ZFYVE28: variants seen among roughly 807,000 people sequenced by gnomAD.
ZFYVE28 encodes the protein zinc finger FYVE-type containing 28, also known as lateral signaling target protein 2 homolog.
Under a neutral mutation model 82.1 loss-of-function variants are expected in ZFYVE28, and 40 were observed. That is an observed-to-expected ratio of 0.49 (90% CI 0.38 to 0.63). ZFYVE28 has a LOEUF of 0.63. Ranked by LOEUF, ZFYVE28 falls within the 30% of genes least tolerant of loss-of-function variation. The pLI, the probability that ZFYVE28 is intolerant of heterozygous loss-of-function variation, is 0.00. For synonymous variants in ZFYVE28, 612 were observed against 546.1 expected (o/e 1.12, Z -1.68); for missense variants, 1,321 against 1,242.1 (o/e 1.06, Z -0.96).
chr4:2,374,593 G>A (rs1001346020), intron 1 of ZFYVE28, among the ~76,000 whole-genome samples: 1 of 152,166 alleles, frequency 6.6e-6, no homozygotes, highest in African/African-American at 2.4e-5. Flanking sequence ...CAGCCTGGGC[G>A]ACAGAGTGAG....
chr4:2,297,039 C>A (rs1387314015), intron 8 of ZFYVE28, among the ~76,000 whole-genome samples: 1 of 152,212 alleles, frequency 6.6e-6, no homozygotes, highest in Non-Finnish European at 1.5e-5. Flanking sequence ...GAGGCCCCAC[C>A]CAGGGAAGGG....
At position 2,332,146 on chromosome 4, in the gene ZFYVE28, C is replaced by T. The variant is rs1033183483; in HGVS notation, c.701+3559G>A. Among the ~76,000 whole-genome samples the T allele has an allele frequency of 2.6e-5, 4 of 152,144 alleles. No homozygotes were observed. The highest frequency in any genetic ancestry group is 7.2e-5 in the African/African-American group (3 of 41,434). ...GCAGCACAGTCACGGGCAGGAGCCA[C>T]AGAGGAGCTCCACCCTCAGCTCCTG... is the stretch of plus-strand genomic sequence containing the variant. On this transcript the variant is annotated intron_variant, in intron 6 of 12. Coordinates refer to ENST00000290974, the MANE Select transcript of ZFYVE28 (RefSeq NM_020972.3). This position sits in a 1 kb window ranked among gnomAD's most constrained non-coding sequence, Gnocchi z 4.7.
intron 2 of ZFYVE28, among the ~76,000 whole-genome samples, chr4:2,343,774 G>C (rs757323007): frequency 6.6e-6 from 1 of 152,172 alleles, no homozygotes; most frequent in African/African-American, 2.4e-5. Context: ...GGCACAGCTT[G>C]CCCAAGGCTG....
At chr4:2,364,966 G>A (rs1203079766) in intron 1 of ZFYVE28, 4 of 933,804 alleles carry the variant, frequency 4.3e-6, no homozygotes, top group Non-Finnish European at 3.8e-6. Flanking sequence ...CCACAGAGCC[G>A]GGGTGTCCCG....
In ZFYVE28 at chr4:2,380,007, A is replaced by C. The variant is rs373052327; in HGVS notation, c.40-25934T>G. 4.6e-5 allele frequency among the ~76,000 whole-genome samples: 7 copies of C among 152,188 alleles called. No homozygotes were observed. The East Asian group carries it at 1.4e-3, about 29-fold the overall frequency. On this transcript the variant is annotated intron_variant, in intron 1 of 12. Transcript: ENST00000290974. ...TTTGCCATGTTGCCCAGGCTGGTCA[A>C]ATTTTTAAATTTTCTGTGAGGCACT...
At position 2,304,668 on chromosome 4, in the gene ZFYVE28, T is replaced by A; in HGVS notation, c.1672A>T (p.Asn558Tyr). The change falls in exon 8 of 13, where the codon AAC becomes TAC. Residue 558 changes from asparagine to tyrosine, a missense_variant. By Grantham distance (143) the Asn-to-Tyr change is moderately radical (BLOSUM62 -2). This residue lies in a region of ZFYVE28 where 978 missense variants were observed against 833.7 expected (regional missense o/e 1.17). Coordinates refer to ENST00000290974, the MANE Select transcript of ZFYVE28 (RefSeq NM_020972.3). ...CACACGCAGGAATGCAGAAGGCAGTTGGTGGCCCCAGTGCTAAGCTTGTGG... is the reference window on the plus strand; with the variant it reads ...CACACGCAGGAATGCAGAAGGCAGTAGGTGGCCCCAGTGCTAAGCTTGTGG... ...GPHKLSTGAT[N>Y]CLLHSCVCCG... The A allele has an allele frequency of 6.2e-7, 1 of 1,612,618 alleles. No homozygotes were observed.
intron 6 of ZFYVE28, chr4:2,329,226 T>A: frequency 1.7e-6 from 1 of 586,870 alleles, no homozygotes; most frequent in Non-Finnish European, 3.2e-6. Flanking sequence ...CCATTCTAAC[T>A]ATATTAAGTC....
At chr4:2,330,171 A>T in intron 6 of ZFYVE28, 1 of 660,494 alleles carries the variant, frequency 1.5e-6, no homozygotes, top group Non-Finnish European at 1.9e-6. Context: ...CTTTGTGAGT[A>T]ATGAAAATGT....
At chr4:2,307,879 T>C (rs528709879) in intron 7 of ZFYVE28, among the ~76,000 whole-genome samples, 9 of 152,350 alleles carry the variant, frequency 5.9e-5, no homozygotes, top group Admixed American at 1.3e-4. Context: ...CAGACACTAA[T>C]AGATAACCAT....
rs1263177477 is a variant in ZFYVE28 at position 2,332,136 on chromosome 4, G to A, written c.701+3569C>T. On this transcript the variant is annotated intron_variant, in intron 6 of 12. Coordinates refer to ENST00000290974, the MANE Select transcript of ZFYVE28 (RefSeq NM_020972.3). This position sits in a 1 kb window ranked among gnomAD's most constrained non-coding sequence, Gnocchi z 4.7. ...CTCTCGGGCAGCAGCACAGTCACGG[G>A]CAGGAGCCACAGAGGAGCTCCACCC... Among the ~76,000 whole-genome samples the A allele has an allele frequency of 6.6e-6, 1 of 152,134 alleles. No homozygotes were observed. Among genetic ancestry groups the A allele is most frequent in the African/African-American group, 2.4e-5 (1 of 41,434 alleles).
chr4:2,353,761 C>G (rs971713637), intron 2 of ZFYVE28, among the ~76,000 whole-genome samples, 172 bp downstream of exon 2: 7 of 152,204 alleles, frequency 4.6e-5, no homozygotes, highest in African/African-American at 1.7e-4. Context: ...CTACCCACCC[C>G]ACGCATCCTG....
intron 7 of ZFYVE28, among the ~76,000 whole-genome samples, chr4:2,307,978 C>T (rs188310520): frequency 9.2e-5 from 14 of 152,280 alleles, no homozygotes; most frequent in African/African-American, 2.4e-4. Context: ...TGTAATGTCA[C>T]GTTGCCTTAA....
intron 10 of ZFYVE28, among the ~76,000 whole-genome samples, chr4:2,272,584 C>T (rs1239606444): frequency 2.0e-5 from 3 of 152,210 alleles, no homozygotes; most frequent in Non-Finnish European, 2.9e-5. Context: ...GCACGTGTCT[C>T]TGTGTGACCA....
intron 6 of ZFYVE28, among the ~76,000 whole-genome samples, chr4:2,333,463 G>A (rs968937218): frequency 5.9e-5 from 9 of 151,762 alleles, no homozygotes; most frequent in African/African-American, 9.7e-5. Context: ...TTCTGCGGTC[G>A]CCTGTACTCG....
chr4:2,344,930 G>A lies in ZFYVE28; in HGVS notation c.181-3315C>T, dbSNP rs184397762. 1.1e-4 allele frequency among the ~76,000 whole-genome samples: 17 copies of A among 151,922 alleles called. No individual in the cohort carries two copies. In the East Asian group the frequency reaches 2.3e-3, roughly 21 times the overall value. Reference sequence around the variant, plus strand: ...ACAAAAAACAAAAACAAAACAAAACGGCCAGGCGCGGTGGCTCACGCCTGT... The same window carrying A: ...ACAAAAAACAAAAACAAAACAAAACAGCCAGGCGCGGTGGCTCACGCCTGT... On this transcript the variant is annotated intron_variant, in intron 2 of 12. Transcript: ENST00000290974.
Position 2,416,854 on chromosome 4 carries a change from T to G in ZFYVE28, c.39+1431A>C, listed in dbSNP as rs1208581659. On this transcript the variant is annotated intron_variant, in intron 1 of 12. Transcript: ENST00000290974. The surrounding 1 kb of genome is among the most constrained non-coding windows in gnomAD (Gnocchi z 4.6). ...AAGGCCGAGCAAGGGGCGCCCCATG[T>G]ACCGTAAGCCCTCAACCCAACACTC... Among the ~76,000 whole-genome samples the G allele has an allele frequency of 6.6e-6, 1 of 150,804 alleles. No individual in the cohort carries two copies. Among genetic ancestry groups the G allele is most frequent in the Non-Finnish European group, 1.5e-5 (1 of 67,920 alleles).
intron 2 of ZFYVE28, among the ~76,000 whole-genome samples, chr4:2,346,236 G>A (rs1317029636): frequency 2.0e-5 from 3 of 150,740 alleles, no homozygotes; most frequent in Middle Eastern, 3.4e-3. Flanking sequence ...CAGCTACGTG[G>A]GGGGCTGAGG....
At chr4:2,381,081 G>A (rs1242038216) in intron 1 of ZFYVE28, among the ~76,000 whole-genome samples, 1 of 152,210 alleles carries the variant, frequency 6.6e-6, no homozygotes, top group African/African-American at 2.4e-5. Context: ...CTAGAGACTT[G>A]TTGAATGGCT....
chr4:2,327,000 C>G (rs1431653347), intron 6 of ZFYVE28, among the ~76,000 whole-genome samples: 1 of 151,724 alleles, frequency 6.6e-6, no homozygotes, highest in Non-Finnish European at 1.5e-5. Flanking sequence ...GCCTATAATC[C>G]CAGCACTTTG....
Sources: allele counts gnomAD v4.1 joint callset (sites outside exome capture counted in the v4.1 genomes callset), GRCh38; gene constraint gnomAD v4.1.1; regional missense constraint gnomAD v4.1.1; non-coding constraint Gnocchi (gnomAD v3.1); transcripts MANE v1.5; gene names NCBI Gene and HGNC (gene_info 2026-07-23, HGNC 2026-07-21).